CPZ: variants seen among roughly 807,000 people sequenced by gnomAD.
CPZ encodes the protein VEZT/CPZ fusion.
Under a neutral mutation model 61.8 loss-of-function variants are expected in CPZ, and 103 were observed. The observed-to-expected ratio is 1.67, with a 90% CI of 1.42 to 1.96. The LOEUF (loss-of-function observed/expected upper bound fraction) is 1.96, where lower values mean the gene tolerates loss of function less well. Among genes scored for constraint, CPZ ranks in the 30% most tolerant of loss-of-function variants. The pLI is 0.00. For synonymous variants in CPZ, 551 were observed against 373.7 expected (o/e 1.47, Z -5.47); for missense variants, 1,461 against 914.9 (o/e 1.60, Z -7.70).
chr4:8,599,624 C>T (rs1484470199), intron 2 of CPZ, 139 bp downstream of exon 2: 3 of 1,475,640 alleles, frequency 2.0e-6, no homozygotes, highest in Non-Finnish European at 2.7e-6. Flanking sequence ...AACTAGAACC[C>T]CCTCGTAAAC....
At chr4:8,602,212 G>T (rs1714633086) in intron 3 of CPZ, 1 of 152,416 alleles carries the variant, frequency 6.6e-6, no homozygotes, top group South Asian at 2.1e-4. Flanking sequence ...GGCTGGTTGG[G>T]GGCCCTGCAT....
rs542969697 is a variant in CPZ at position 8,596,786 on chromosome 4, C to T, written c.89-2667C>T. Among the ~76,000 whole-genome samples, 261 of 152,314 alleles carry T rather than the reference C, an allele frequency of 1.7e-3. 1 individual carries two copies. The highest frequency in any genetic ancestry group is 6.0e-3 in the African/African-American group (251 of 41,572). On this transcript the variant is annotated intron_variant, in intron 1 of 10. Transcript: ENST00000360986. ...AGCCAGGAAGGATCGCCTGTCCAGT[C>T]CCTGTGTGATGGTCCAGTCACTTGT...
intron 7 of CPZ, among the ~76,000 whole-genome samples, chr4:8,609,987 A>C (rs949703371): frequency 1.4e-4 from 21 of 152,294 alleles, no homozygotes; most frequent in Admixed American, 7.2e-4. Context: ...CAGGCTGGCC[A>C]TGGCTGCCTT....
intron 7 of CPZ, among the ~76,000 whole-genome samples, chr4:8,609,599 G>GA (rs1182163608): frequency 2.7e-5 from 4 of 148,680 alleles, no homozygotes; most frequent in Non-Finnish European, 5.9e-5. Context: ...CAGGGCAGGT[G>GA]TCCCCCTCTG....
At chr4:8,606,248 TTA>T (rs1714992073) in intron 5 of CPZ, 63 bp downstream of exon 5, 1 of 1,469,674 alleles carries the variant, frequency 6.8e-7, no homozygotes, top group East Asian at 2.4e-5. Context: ...ATTCATCCAT[TTA>T]TGAGTAGTTT....
At chr4:8,609,160 T>G (rs1294595345) in intron 7 of CPZ, among the ~76,000 whole-genome samples, 6 of 137,108 alleles carry the variant, frequency 4.4e-5, no homozygotes, top group African/African-American at 1.8e-4. Flanking sequence ...ACTCCCTCAC[T>G]CATTCACTCA....
In CPZ at chr4:8,599,495, C is replaced by T. The variant is rs375261043; in HGVS notation, c.121+10C>T. 42 of 1,613,540 alleles carry T rather than the reference C, an allele frequency of 2.6e-5. 1 individual carries two copies. Among genetic ancestry groups the T allele is most frequent in the Middle Eastern group, 1.6e-4 (1 of 6,084 alleles). On this transcript the variant is annotated intron_variant, in intron 2 of 10. Coordinates refer to ENST00000360986, the MANE Select transcript of CPZ (RefSeq NM_001014447.3). ...CCAGCTGCAGACAGCGGTACAGTAC[C>T]GGGACCTCCCTGGCTTCTGTTCTGT...
At chr4:8,607,484 G>C in intron 7 of CPZ, 59 bp downstream of exon 7, 1 of 1,573,252 alleles carries the variant, frequency 6.4e-7, no homozygotes, top group Non-Finnish European at 8.6e-7. Context: ...TCCCCTTGGA[G>C]CTGGTGCCCC....
At chr4:8,608,651 T>TGTGCATGCATGTGCACAC (rs1715258897) in intron 7 of CPZ, among the ~76,000 whole-genome samples, 2 of 152,154 alleles carry the variant, frequency 1.3e-5, no homozygotes, top group South Asian at 4.1e-4. Context: ...CGTGTGTGCG[T>TGTGCATGCATGTGCACAC]GTGCATGCAT....
chr4:8,611,250 A>C (rs1443378486), intron 7 of CPZ: 1 of 456,106 alleles, frequency 2.2e-6, no homozygotes, highest in African/African-American at 2.0e-5. Flanking sequence ...TGCCTGACCC[A>C]CCAGGAGCCT....
chr4:8,596,297 G>A (rs143169603), intron 1 of CPZ, among the ~76,000 whole-genome samples: 2,556 of 152,248 alleles, frequency 0.017, 68 homozygotes, highest in African/African-American at 0.057. Flanking sequence ...TGATTCACCC[G>A]CCTAGGCCTC....
intron 7 of CPZ, chr4:8,611,389 G>T: frequency 2.3e-6 from 1 of 428,468 alleles, no homozygotes. Context: ...TGTGGGGAGG[G>T]ACCCAGGATC....
At chr4:8,595,720 C>T (rs1560287973) in intron 1 of CPZ, among the ~76,000 whole-genome samples, 1 of 152,220 alleles carries the variant, frequency 6.6e-6, no homozygotes. Context: ...ATGATGTAAT[C>T]CCTGGCACCT....
chr4:8,612,186 T>TCGGGTGGGGGTGGGGGGGGTTGG, intron 8 of CPZ, 24 bp downstream of exon 8: 1 of 179,708 alleles, frequency 5.6e-6, no homozygotes, highest in South Asian at 2.6e-4. Flanking sequence ...AGGGCGGGAC[T>TCGGGTGGGGGTGGGGGGGGTTGG]GGGCGGGGGG....
At chr4:8,612,204 T>C (rs764753464) in intron 8 of CPZ, 42 bp downstream of exon 8, 2 of 75,014 alleles carry the variant, frequency 2.7e-5, no homozygotes, top group Non-Finnish European at 4.6e-5. Context: ...GGGTGGGGGG[T>C]GCAGGGGCTG....
chr4:8,599,359 G>T, intron 1 of CPZ, 94 bp from the exon 2 acceptor site: 1 of 1,441,542 alleles, frequency 6.9e-7, no homozygotes, highest in Non-Finnish European at 9.2e-7. Context: ...GCCTGGGCTG[G>T]TCCCTACCTG....
intron 8 of CPZ, among the ~76,000 whole-genome samples, chr4:8,613,551 G>T (rs1442117765): frequency 1.3e-5 from 2 of 152,234 alleles, no homozygotes; most frequent in African/African-American, 2.4e-5. Flanking sequence ...GTCAACAGCA[G>T]CTGCAGGCTC....
At position 8,592,914 on chromosome 4, in the gene CPZ, C is replaced by T. The variant is rs754244022; in HGVS notation, c.81C>T (p.Asn27=). Residue 27 remains asparagine (N), a synonymous_variant, in exon 1 of 11, where the codon AAC becomes AAT. Coordinates refer to ENST00000360986, the MANE Select transcript of CPZ (RefSeq NM_001014447.3). ...GGCCGGGGTGCGAGTTTGAGCGGAA[C>T]CCCGCCGGTAAGGCCGTCCCCTGCC... ...AARPGCEFER[N]PAGECHRPPA... 5.5e-5 allele frequency: 85 copies of T among 1,535,628 alleles called. No individual in the cohort carries two copies. The highest frequency in any genetic ancestry group is 6.8e-5 in the Non-Finnish European group (78 of 1,144,328).
At chr4:8,595,063 C>T (rs958077833) in intron 1 of CPZ, among the ~76,000 whole-genome samples, 2 of 152,232 alleles carry the variant, frequency 1.3e-5, no homozygotes, top group Non-Finnish European at 2.9e-5. Flanking sequence ...TGAGCCACCA[C>T]GCCTGGCCTG....
Sources: allele counts gnomAD v4.1 joint callset (sites outside exome capture counted in the v4.1 genomes callset), GRCh38; gene constraint gnomAD v4.1.1; transcripts MANE v1.5; gene names NCBI Gene and HGNC (gene_info 2026-07-23, HGNC 2026-07-21).